DNMT1: variants seen among roughly 807,000 people sequenced by gnomAD.
DNMT1 encodes DNA (cytosine-5)-methyltransferase 1.
A neutral mutation model predicts 205.3 loss-of-function variants in DNMT1; 24 were observed. The ratio of observed to expected loss-of-function variants is 0.12; its 90% CI spans 0.08 to 0.16. The LOEUF is 0.16. Ranked by LOEUF, DNMT1 falls within the 10% of genes least tolerant of loss-of-function variation. The probability of loss-of-function intolerance (pLI) is 1.00; values close to 1 mark genes in which losing one functional copy is unlikely to be tolerated. For synonymous variants in DNMT1, 817 were observed against 839.8 expected (o/e 0.97, Z 0.47); for missense variants, 1,293 against 2,177.7 (o/e 0.59, Z 8.09).
chr19:10,153,979 C>T (rs747192908), intron 22 of DNMT1, among the ~76,000 whole-genome samples: 1 of 152,198 alleles, frequency 6.6e-6, no homozygotes, highest in Non-Finnish European at 1.5e-5. Context: ...GATGTGAATA[C>T]CCCTTTAGCA....
intron 11 of DNMT1, among the ~76,000 whole-genome samples, chr19:10,165,531 T>G (rs1004760258): frequency 1.3e-5 from 2 of 152,212 alleles, no homozygotes; most frequent in East Asian, 1.9e-4. Context: ...TAGCTGGGAT[T>G]AGAGGCACAT....
rs752067939 is a variant in DNMT1 at position 10,176,307 on chromosome 19, T to C, written c.570-689A>G. Reference sequence around the variant, plus strand: ...TGCAATCGGCCCAATCTAGGAACTATTGGACAAATGAATTTCTTCAAGTAA... The same window carrying C: ...TGCAATCGGCCCAATCTAGGAACTACTGGACAAATGAATTTCTTCAAGTAA... On this transcript the variant is annotated intron_variant, in intron 6 of 40. Transcript: ENST00000359526. 3.7e-4 allele frequency among the ~76,000 whole-genome samples: 56 copies of C among 152,122 alleles called. 1 individual carries two copies. Among genetic ancestry groups the C allele is most frequent in the East Asian group, 3.8e-4 (2 of 5,196 alleles).
At chr19:10,165,108 A>AAT (rs2038660511) in intron 11 of DNMT1, among the ~76,000 whole-genome samples, 1 of 150,936 alleles carries the variant, frequency 6.6e-6, no homozygotes, top group Non-Finnish European at 1.5e-5. Context: ...TCTACAAAAA[A>AAT]TTAAAAAAAA....
rs769347864 is a variant in DNMT1 at position 10,137,096 on chromosome 19, G to A, written c.4478C>T (p.Ser1493Phe). Residue 1493 changes from serine (S) to phenylalanine (F), a missense_variant, in exon 37 of 41, where the codon TCC becomes TTC. Physicochemically the swap from Ser to Phe is radical, Grantham distance 155. This residue lies in a region of DNMT1 where 148 missense variants were observed against 256.1 expected (regional missense o/e 0.58). Transcript: ENST00000359526. The surrounding 1 kb of genome is among the most constrained non-coding windows in gnomAD (Gnocchi z 6.4). Reference protein sequence around the residue: ...SSSGALRGVCSCVEAGKACDP... With the variant: ...SSSGALRGVCFCVEAGKACDP... The stretch of plus-strand genomic sequence containing the variant: ...CTTACAGGACCCACCTTCCACGCAG[G>A]AGCAGACCCCACGGAGGGCCCCAGA... The A allele has an allele frequency of 1.9e-6, 3 of 1,612,142 alleles. No homozygotes were observed. The highest frequency in any genetic ancestry group is 1.7e-5 in the Admixed American group (1 of 59,804).
rs775928642 is a variant in DNMT1 at position 10,173,131 on chromosome 19, A to G, written c.727T>C (p.Ser243Pro). The G allele has an allele frequency of 1.9e-6, 3 of 1,614,048 alleles. No individual in the cohort carries two copies. The highest frequency in any genetic ancestry group is 2.5e-6 in the Non-Finnish European group (3 of 1,180,020). ...TCTTCCTTTTCAGTGCGCGTTCCTG[A>G]TTTTGCTCTTTCAGGTTCTTCTGCA... The part of the protein sequence containing the change: ...LPAEEPERAK[S>P]GTRTEKEEER... Residue 243 changes from serine (S) to proline (P), a missense_variant, in exon 9 of 41, where the codon TCA becomes CCA. Around this residue, in one of 13 missense-constraint regions of DNMT1, gnomAD observed 394 missense variants for 451.6 expected, o/e 0.87. Coordinates refer to ENST00000359526, the MANE Select transcript of DNMT1 (RefSeq NM_001130823.3).
intron 5 of DNMT1, 63 bp from the exon 6 acceptor site, chr19:10,177,430 A>G (rs562325088): frequency 4.7e-6 from 7 of 1,504,348 alleles, no homozygotes; most frequent in Middle Eastern, 2.1e-4. Context: ...GAAAGCCCAC[A>G]GCAATAATGC....
intron 2 of DNMT1, among the ~76,000 whole-genome samples, chr19:10,181,405 T>C (rs1335255597): frequency 6.6e-6 from 1 of 151,548 alleles, no homozygotes; most frequent in Admixed American, 6.6e-5. Flanking sequence ...GCCAAAATTG[T>C]GCCACTGCAC....
rs201133845 is a variant in DNMT1, at chr19:10,175,084, TACACACACACACACAC to T, written c.648+440_648+455del. On this transcript the variant is annotated intron_variant, in intron 7 of 40. Coordinates refer to ENST00000359526, the MANE Select transcript of DNMT1 (RefSeq NM_001130823.3). ...AAAGAAGTCTAAATACATACATACA[TACACACACACACACAC>T]ACACACACACACACACACACACACA... 2.2e-4 allele frequency among the ~76,000 whole-genome samples: 25 copies of T among 113,954 alleles called. No individual in the cohort carries two copies. The East Asian group carries it at 4.9e-3, about 22-fold the overall frequency. The allele number at this position is 113,954 out of a possible 152,430, so 74.8% of individuals were successfully genotyped here.
At chr19:10,134,190 G>A (rs2089431888) in intron 40 of DNMT1, 27 bp downstream of exon 40, 1 of 1,613,446 alleles carries the variant, frequency 6.2e-7, no homozygotes, top group Admixed American at 1.7e-5. Flanking sequence ...TCAGGCCCCA[G>A]AGGAAGCCTG....
chr19:10,182,471 ATATATACATATATATGTG>A (rs2039080295), intron 1 of DNMT1, among the ~76,000 whole-genome samples: 2 of 127,810 alleles, frequency 1.6e-5, no homozygotes, highest in Middle Eastern at 3.9e-3. Context: ...ATGTGTGTAT[ATATATACATATATATGTG>A]TATATATATG....
Position 10,150,420 on chromosome 19 carries a change from G to C in DNMT1, c.2266-452C>G, listed in dbSNP as rs112529239. Among the ~76,000 whole-genome samples, 334 of 152,294 alleles carry C rather than the reference G, an allele frequency of 2.2e-3. 1 individual carries two copies. The highest frequency in any genetic ancestry group is 3.8e-3 in the Non-Finnish European group (258 of 68,030). ...AGCTCTCCCCCAGGTCGTGTGGCTA[G>C]GTCCTACCTGACCTTCTCCATCTCA... On this transcript the variant is annotated intron_variant, in intron 24 of 40. Transcript: ENST00000359526.
At chr19:10,167,030 C>T (rs2038709995) in intron 10 of DNMT1, among the ~76,000 whole-genome samples, 3 of 152,120 alleles carry the variant, frequency 2.0e-5, no homozygotes, top group Non-Finnish European at 4.4e-5. Flanking sequence ...GGCTGATGTG[C>T]GATCAGCGTC....
At chr19:10,185,183 T>C (rs2039154315) in intron 1 of DNMT1, among the ~76,000 whole-genome samples, 1 of 152,092 alleles carries the variant, frequency 6.6e-6, no homozygotes, top group Non-Finnish European at 1.5e-5. Flanking sequence ...CCCAGCACTT[T>C]GGAAGGCTGA....
At chr19:10,152,234 C>A (rs1260198013) in intron 22 of DNMT1, among the ~76,000 whole-genome samples, 3 of 60,692 alleles carry the variant, frequency 4.9e-5, no homozygotes, top group African/African-American at 1.3e-4. Flanking sequence ...AACAATGAGA[C>A]AAATGATGCA....
At chr19:10,141,716 G>A (rs1599348720) in intron 30 of DNMT1, 1 of 393,010 alleles carries the variant, frequency 2.5e-6, no homozygotes, top group African/African-American at 2.0e-5. Flanking sequence ...TCAGGCTGGT[G>A]GAAGCTGCCT....
chr19:10,135,112 T>TGA lies in DNMT1; in HGVS notation c.4773+622_4773+623dup, dbSNP rs559090227. Among the ~76,000 whole-genome samples, 29 of 150,286 alleles carry TGA rather than the reference T, an allele frequency of 1.9e-4. No individual in the cohort carries two copies. The South Asian group carries it at 4.0e-3, about 21-fold the overall frequency. On this transcript the variant is annotated intron_variant, in intron 39 of 40. Coordinates refer to ENST00000359526, the MANE Select transcript of DNMT1 (RefSeq NM_001130823.3). The stretch of plus-strand genomic sequence containing the variant: ...CTGTAATCCCAGCTACTCAAGAGGC[T>TGA]GAGGCAGGAGAATCACTTAAAACCA...
chr19:10,189,322 C>T (rs1320449905), intron 1 of DNMT1, among the ~76,000 whole-genome samples: 5 of 151,980 alleles, frequency 3.3e-5, no homozygotes, highest in South Asian at 4.1e-4. Flanking sequence ...GGGGTTTCAC[C>T]GTGTTAGCCA....
chr19:10,138,659 A>G lies in DNMT1; in HGVS notation c.3949-54T>C. On this transcript the variant is annotated intron_variant, in intron 34 of 40. Transcript: ENST00000359526. The surrounding 1 kb of genome is among the most constrained non-coding windows in gnomAD (Gnocchi z 4.1). ...CCGTCAGTGGGACACTCCCAACTGG[A>G]CTGGCCAGACCCAGGCCCAGGGTCA... 6.4e-7 allele frequency: 1 copy of G among 1,574,514 alleles called. No homozygotes were observed. Among genetic ancestry groups the G allele is most frequent in the East Asian group, 2.3e-5 (1 of 43,674 alleles).
intron 19 of DNMT1, among the ~76,000 whole-genome samples, chr19:10,155,497 G>A (rs1019106116): frequency 2.8e-4 from 42 of 151,964 alleles, no homozygotes; most frequent in African/African-American, 9.2e-4. Flanking sequence ...ACCACCATGC[G>A]TGGCTAATTT....
Sources: allele counts gnomAD v4.1 joint callset (sites outside exome capture counted in the v4.1 genomes callset), GRCh38; gene constraint gnomAD v4.1.1; regional missense constraint gnomAD v4.1.1; non-coding constraint Gnocchi (gnomAD v3.1); transcripts MANE v1.5; gene names NCBI Gene and HGNC (gene_info 2026-07-23, HGNC 2026-07-21).